Variants in RETREG1 observed in about 807,000 individuals in gnomAD.
The protein encoded by RETREG1 is family with sequence similarity 134 member B.
A neutral mutation model predicts 54.8 loss-of-function variants in RETREG1; 44 were observed. That is an observed-to-expected ratio of 0.80 (90% CI 0.63 to 1.03). RETREG1 has a LOEUF of 1.03. Ranked by LOEUF, RETREG1 falls within the 50% of genes least tolerant of loss-of-function variation. RETREG1 has a pLI of 0.00. For synonymous variants in RETREG1, 217 were observed against 238.5 expected (o/e 0.91, Z 0.83); for missense variants, 554 against 605.1 (o/e 0.92, Z 0.89).
chr5:16,496,104 T>C (rs1370055706), intron 3 of RETREG1, among the ~76,000 whole-genome samples: 1 of 152,140 alleles, frequency 6.6e-6, no homozygotes, highest in Admixed American at 6.5e-5. Context: ...CCCCAAACCT[T>C]TTTAGTTTTG....
At chr5:16,552,342 T>C (rs1741568765) in intron 3 of RETREG1, among the ~76,000 whole-genome samples, 1 of 152,148 alleles carries the variant, frequency 6.6e-6, no homozygotes, top group Admixed American at 6.5e-5. Flanking sequence ...CAATTCAAGA[T>C]GATCTGGAGT....
Position 16,600,083 on chromosome 5 carries a change from C to T in RETREG1, c.320+16569G>A, listed in dbSNP as rs139614644. Among the ~76,000 whole-genome samples the T allele has an allele frequency of 2.9e-3, 440 of 152,296 alleles. 3 individuals carry two copies. Among genetic ancestry groups the T allele is most frequent in the African/African-American group, 0.01 (426 of 41,554 alleles). On this transcript the variant is annotated intron_variant, in intron 1 of 8. Transcript: ENST00000306320. The stretch of plus-strand genomic sequence containing the variant: ...TGGCGTGACCTCGGCTCACTGCAAC[C>T]TCCACCTCCCATGTTCAAGCGATTC...
intron 3 of RETREG1, among the ~76,000 whole-genome samples, chr5:16,540,157 T>G (rs1427504957): frequency 6.6e-6 from 1 of 152,210 alleles, no homozygotes; most frequent in Non-Finnish European, 1.5e-5. Flanking sequence ...CCAAAGTGAA[T>G]TTCTTAATCC....
At chr5:16,532,458 G>A (rs1422585256) in intron 3 of RETREG1, among the ~76,000 whole-genome samples, 3 of 152,166 alleles carry the variant, frequency 2.0e-5, no homozygotes, top group Non-Finnish European at 2.9e-5. Flanking sequence ...CCTGGGAGGC[G>A]GAGGTTGTAG....
At chr5:16,616,576 C>T in intron 1 of RETREG1, 76 bp downstream of exon 1, 1 of 1,533,374 alleles carries the variant, frequency 6.5e-7, no homozygotes, top group South Asian at 1.2e-5. Flanking sequence ...GCTCCCCCTG[C>T]ACTGGGTCCC....
At chr5:16,590,729 T>C (rs1020752059) in intron 1 of RETREG1, among the ~76,000 whole-genome samples, 2 of 152,054 alleles carry the variant, frequency 1.3e-5, no homozygotes, top group East Asian at 3.9e-4. Context: ...TTGGACTGGG[T>C]TCACCCAGCT....
At chr5:16,494,661 T>C (rs1381218602) in intron 3 of RETREG1, among the ~76,000 whole-genome samples, 1 of 152,244 alleles carries the variant, frequency 6.6e-6, no homozygotes, top group African/African-American at 2.4e-5. Context: ...CTTTGCTTCC[T>C]GTAGAGCCTG....
chr5:16,532,892 A>T (rs1740954009), intron 3 of RETREG1, among the ~76,000 whole-genome samples: 1 of 152,234 alleles, frequency 6.6e-6, no homozygotes, highest in Admixed American at 6.5e-5. Flanking sequence ...AGATGCAAAC[A>T]TGAATTTATA....
At chr5:16,598,013 A>C (rs1742949230) in intron 1 of RETREG1, among the ~76,000 whole-genome samples, 1 of 151,914 alleles carries the variant, frequency 6.6e-6, no homozygotes, top group African/African-American at 2.4e-5. Flanking sequence ...CTCCAGTTCC[A>C]GGCTCTTCAC....
At chr5:16,553,703 C>A (rs1380020987) in intron 3 of RETREG1, among the ~76,000 whole-genome samples, 2 of 151,784 alleles carry the variant, frequency 1.3e-5, no homozygotes, top group African/African-American at 4.8e-5. Flanking sequence ...ACGGGGTGGG[C>A]GGGGGAGCAA....
chr5:16,495,800 C>CAAA lies in RETREG1; in HGVS notation c.459-12331_459-12329dup, dbSNP rs150429253. The stretch of plus-strand genomic sequence containing the variant: ...TGGGCGACAGAGCGAGACTCTGTCT[C>CAAA]AAAAAAAAAAAATAGATGAGTATGA... On this transcript the variant is annotated intron_variant, in intron 3 of 8. Coordinates refer to ENST00000306320, the MANE Select transcript of RETREG1 (RefSeq NM_001034850.3). Among the ~76,000 whole-genome samples, 7 of 145,004 alleles carry CAAA rather than the reference C, an allele frequency of 4.8e-5. No homozygotes were observed. In the East Asian group the frequency reaches 6.1e-4, roughly 13 times the overall value.
chr5:16,489,263 A>C (rs111828855), intron 3 of RETREG1, among the ~76,000 whole-genome samples: 55 of 152,304 alleles, frequency 3.6e-4, no homozygotes, highest in African/African-American at 1.3e-3. Context: ...GTATCTTTTA[A>C]ATTATCATGT....
At chr5:16,535,658 C>G in intron 3 of RETREG1, among the ~76,000 whole-genome samples, 1 of 140,598 alleles carries the variant, frequency 7.1e-6, no homozygotes, top group South Asian at 2.4e-4. Context: ...TGCACGCTGC[C>G]TTCACAAAGT....
At chr5:16,560,887 A>G (rs1346457089) in intron 3 of RETREG1, among the ~76,000 whole-genome samples, 1 of 152,240 alleles carries the variant, frequency 6.6e-6, no homozygotes, top group Admixed American at 6.5e-5. Flanking sequence ...GTAACTTCAC[A>G]TCTCCAATGT....
intron 3 of RETREG1, among the ~76,000 whole-genome samples, chr5:16,556,631 C>T (rs1225194217): frequency 2.0e-5 from 3 of 152,026 alleles, no homozygotes; most frequent in Non-Finnish European, 4.4e-5. Flanking sequence ...CTGAGTATTA[C>T]ATCATTGATA....
chr5:16,590,053 T>G (rs1238687619), intron 1 of RETREG1, among the ~76,000 whole-genome samples: 3 of 152,260 alleles, frequency 2.0e-5, no homozygotes, highest in African/African-American at 7.2e-5. Context: ...AGCTGCCTCA[T>G]GGACGCCATT....
rs567475517 is a variant in RETREG1, at chr5:16,489,082, C to CA, written c.459-5611dup. Reference sequence around the variant, plus strand: ...TGGGCAACAGAGCGAGATTCTGTCTCAAAAAAAAAAAAAAAAAAAAAAAAA... The same window carrying CA: ...TGGGCAACAGAGCGAGATTCTGTCTCAAAAAAAAAAAAAAAAAAAAAAAAAA... On this transcript the variant is annotated intron_variant, in intron 3 of 8. Transcript: ENST00000306320. Among the ~76,000 whole-genome samples, 17 of 62,976 alleles carry CA rather than the reference C, an allele frequency of 2.7e-4. 1 individual carries two copies. The highest frequency in any genetic ancestry group is 4.5e-4 in the Non-Finnish European group (16 of 35,308). The allele number at this position is 62,976 out of a possible 152,430, so 41.3% of individuals were successfully genotyped here. A position where few individuals can be genotyped will look rare whatever the true frequency, so the allele number is the denominator to read the frequency against.
intron 3 of RETREG1, among the ~76,000 whole-genome samples, chr5:16,538,736 G>A (rs961743601): frequency 3.3e-5 from 5 of 149,714 alleles, no homozygotes; most frequent in African/African-American, 9.9e-5. Context: ...ACGGAGTCTC[G>A]CTCTGTCGCC....
intron 3 of RETREG1, among the ~76,000 whole-genome samples, chr5:16,521,914 T>C (rs1159241441): frequency 6.6e-6 from 1 of 152,218 alleles, no homozygotes; most frequent in African/African-American, 2.4e-5. Context: ...AAATCATTAT[T>C]TCCATATTCG....
Sources: allele counts gnomAD v4.1 joint callset (sites outside exome capture counted in the v4.1 genomes callset), GRCh38; gene constraint gnomAD v4.1.1; transcripts MANE v1.5; gene names NCBI Gene and HGNC (gene_info 2026-07-23, HGNC 2026-07-21).